The following JAKMIP1 variants were observed in gnomAD, a reference collection of about 807,000 sequenced individuals.
JAKMIP1 encodes janus kinase and microtubule-interacting protein 1.
JAKMIP1 carries 33 observed loss-of-function variants against 113.0 expected under a neutral mutation model. The observed-to-expected ratio is 0.29, with a 90% CI of 0.22 to 0.39. The LOEUF (loss-of-function observed/expected upper bound fraction) is 0.39, where lower values mean the gene tolerates loss of function less well. Among genes scored for constraint, JAKMIP1 ranks in the 10% least tolerant of loss-of-function variants. JAKMIP1 has a pLI of 1.00. For synonymous variants in JAKMIP1, 480 were observed against 459.9 expected (o/e 1.04, Z -0.56); for missense variants, 813 against 1,080.5 (o/e 0.75, Z 3.47).
intron 8 of JAKMIP1, among the ~76,000 whole-genome samples, chr4:6,071,399 C>T (rs768737773): frequency 1.6e-4 from 24 of 152,180 alleles, no homozygotes; most frequent in Non-Finnish European, 3.2e-4. Context: ...TTGCCTCAAG[C>T]CCCTCCCCAC....
chr4:6,034,412 T>A (rs1372806065), intron 19 of JAKMIP1, among the ~76,000 whole-genome samples: 1 of 152,152 alleles, frequency 6.6e-6, no homozygotes, highest in Non-Finnish European at 1.5e-5. Context: ...CACACCATGC[T>A]GCTCTGCTGC....
chr4:6,078,942 G>C lies in JAKMIP1; in HGVS notation c.1299C>G (p.Pro433=). 1 of 1,614,174 alleles carries C rather than the reference G, an allele frequency of 6.2e-7. No individual in the cohort carries two copies. The highest frequency in any genetic ancestry group is 1.6e-4 in the Middle Eastern group (1 of 6,062). Residue 433 remains proline (P), a synonymous_variant, in exon 8 of 21, where the codon CCC becomes CCG. Coordinates refer to ENST00000409021, the MANE Select transcript of JAKMIP1 (RefSeq NM_001099433.2). ...AGGTGCACCATCGCAGGCTCACCTTGGGCGGTTTCAGACTTTTCCCTCGAT... is the reference window on the plus strand; with the variant it reads ...AGGTGCACCATCGCAGGCTCACCTTCGGCGGTTTCAGACTTTTCCCTCGAT... ...KRHRGKSLKP[P]KKHVVETFFG...
chr4:6,134,445 C>A (rs569348919), intron 1 of JAKMIP1, among the ~76,000 whole-genome samples: 1 of 151,472 alleles, frequency 6.6e-6, no homozygotes, highest in Non-Finnish European at 1.5e-5. Flanking sequence ...AATGCCCCTC[C>A]CCGTCTTTTC....
intron 1 of JAKMIP1, among the ~76,000 whole-genome samples, chr4:6,125,739 CCACCATACAGAAACACACACGCA>C (rs1717373491): frequency 1.5e-5 from 1 of 68,888 alleles, no homozygotes; most frequent in South Asian, 5.3e-4. Flanking sequence ...CACACCATAC[CCACCATACAGAAACACACACGCA>C]CACCATACAC....
chr4:6,051,491 C>T lies in JAKMIP1; in HGVS notation c.1807-812G>A, dbSNP rs550943751. Among the ~76,000 whole-genome samples the T allele has an allele frequency of 2.0e-5, 3 of 152,202 alleles. No individual in the cohort carries two copies. The highest frequency in any genetic ancestry group is 3.9e-4 in the East Asian group (2 of 5,160). On this transcript the variant is annotated intron_variant, in intron 13 of 20. Transcript: ENST00000409021. The surrounding 1 kb of genome is among the most constrained non-coding windows in gnomAD (Gnocchi z 5.0). ...GAGACCTCAGGTGATCCACCCGCCT[C>T]GGCCTCCCAAAGTGCTGGGATTACA...
chr4:6,041,983 G>A (rs771386977), intron 17 of JAKMIP1, among the ~76,000 whole-genome samples, 176 bp downstream of exon 17: 1 of 152,214 alleles, frequency 6.6e-6, no homozygotes, highest in African/African-American at 2.4e-5. Context: ...GAGTAATTGA[G>A]CGAGTGAAAG....
At chr4:6,030,502 C>T (rs1712481664) in intron 19 of JAKMIP1, among the ~76,000 whole-genome samples, 1 of 152,172 alleles carries the variant, frequency 6.6e-6, no homozygotes, top group Non-Finnish European at 1.5e-5. Context: ...TCCCATCCCA[C>T]ACAGCGTCTC....
intron 1 of JAKMIP1, among the ~76,000 whole-genome samples, chr4:6,119,411 G>A (rs1000242967): frequency 1.3e-5 from 2 of 152,156 alleles, no homozygotes; most frequent in Non-Finnish European, 2.9e-5. Context: ...GGGCGTGGTT[G>A]CGCATGGCTG....
chr4:6,092,268 A>AG (rs1015751026), intron 3 of JAKMIP1, among the ~76,000 whole-genome samples: 5 of 152,168 alleles, frequency 3.3e-5, no homozygotes, highest in African/African-American at 1.2e-4. Context: ...TGTCAGTGAG[A>AG]GGGGGCCAGT....
rs890579109 is a variant in JAKMIP1, at chr4:6,158,704, A to G, written c.-148+41549T>C. Among the ~76,000 whole-genome samples, 2 of 152,220 alleles carry G rather than the reference A, an allele frequency of 1.3e-5. No individual in the cohort carries two copies. The highest frequency in any genetic ancestry group is 1.3e-4 in the Admixed American group (2 of 15,286). ...GTTAGGAAAGAAAATTTGGTTTGAA[A>G]ATTTATTGGATAAAAATAGGGCAAT... On this transcript the variant is annotated intron_variant, in intron 1 of 20. Coordinates refer to ENST00000409021, the MANE Select transcript of JAKMIP1 (RefSeq NM_001099433.2). This position sits in a 1 kb window ranked among gnomAD's most constrained non-coding sequence, Gnocchi z 5.3.
At chr4:6,099,902 T>A (rs1712715604) in intron 3 of JAKMIP1, among the ~76,000 whole-genome samples, 1 of 152,240 alleles carries the variant, frequency 6.6e-6, no homozygotes, top group Non-Finnish European at 1.5e-5. Flanking sequence ...TATGGGATGC[T>A]ACCGAGGGGC....
chr4:6,045,738 G>A (rs184520938), intron 16 of JAKMIP1, among the ~76,000 whole-genome samples: 80 of 152,246 alleles, frequency 5.3e-4, no homozygotes, highest in Non-Finnish European at 8.8e-4. Flanking sequence ...CGGACGTGGC[G>A]GCATATGCCT....
chr4:6,169,603 T>TTGTGTGTGTGTGTG (rs71173413), intron 1 of JAKMIP1, among the ~76,000 whole-genome samples: 2 of 137,284 alleles, frequency 1.5e-5, no homozygotes, highest in Admixed American at 6.9e-5. Flanking sequence ...CCCTAGGAAA[T>TTGTGTGTGTGTGTG]TGTGTGTGTG....
Position 6,140,302 on chromosome 4 carries a change from A to G in JAKMIP1, c.-147-27305T>C, listed in dbSNP as rs1719940967. ...GGACTTTCACCAACATTTGTGTGAT[A>G]CACATCTTCCCACATAAATCATAAT... is the stretch of plus-strand genomic sequence containing the variant. On this transcript the variant is annotated intron_variant, in intron 1 of 20. Transcript: ENST00000409021. The surrounding 1 kb of genome is among the most constrained non-coding windows in gnomAD (Gnocchi z 9.4). Among the ~76,000 whole-genome samples the G allele has an allele frequency of 1.4e-5, 2 of 144,978 alleles. No homozygotes were observed. Among genetic ancestry groups the G allele is most frequent in the Non-Finnish European group, 1.5e-5 (1 of 66,936 alleles).
chr4:6,148,194 C>G (rs987494881), intron 1 of JAKMIP1, among the ~76,000 whole-genome samples: 2 of 152,162 alleles, frequency 1.3e-5, no homozygotes, highest in Admixed American at 6.5e-5. Context: ...TCGTGTACCC[C>G]CAAGTTGAAT....
intron 16 of JAKMIP1, among the ~76,000 whole-genome samples, chr4:6,045,027 T>C (rs1349264905): frequency 6.6e-6 from 1 of 152,216 alleles, no homozygotes; most frequent in African/African-American, 2.4e-5. Flanking sequence ...TGGGGGCTGC[T>C]CTCCGCGCCC....
Position 6,040,365 on chromosome 4 carries a change from A to T in JAKMIP1, c.2175+274T>A, listed in dbSNP as rs1714158134. On this transcript the variant is annotated intron_variant, in intron 18 of 20. Transcript: ENST00000409021. The surrounding 1 kb of genome is among the most constrained non-coding windows in gnomAD (Gnocchi z 5.8). ...GTAAAATCAAACATAAAAGAAATAT[A>T]GTTTCTTCTCATTCATCTCAAATGA... 6.6e-6 allele frequency among the ~76,000 whole-genome samples: 1 copy of T among 152,232 alleles called. No individual in the cohort carries two copies. Among genetic ancestry groups the T allele is most frequent in the Non-Finnish European group, 1.5e-5 (1 of 68,048 alleles).
intron 2 of JAKMIP1, among the ~76,000 whole-genome samples, chr4:6,112,074 G>T (rs943174370): frequency 6.6e-6 from 1 of 152,192 alleles, no homozygotes; most frequent in Non-Finnish European, 1.5e-5. Context: ...TGGAATTTAG[G>T]AAAAGCTGGT....
At chr4:6,195,331 G>A (rs1170978907) in intron 1 of JAKMIP1, among the ~76,000 whole-genome samples, 2 of 152,156 alleles carry the variant, frequency 1.3e-5, no homozygotes, top group East Asian at 1.9e-4. Context: ...GGATGGTAGC[G>A]CTCGTTGCTC....
Sources: gnomAD v4.1 joint callset for allele counts (sites outside exome capture counted in the v4.1 genomes callset) on GRCh38, gnomAD v4.1.1 for gene constraint, Gnocchi (gnomAD v3.1) non-coding constraint, MANE v1.5 for transcripts, NCBI Gene and HGNC (gene_info 2026-07-23, HGNC 2026-07-21) for gene names.